Variants in TIE1 observed in about 807,000 individuals in gnomAD.
TIE1 encodes tyrosine-protein kinase receptor Tie-1.
Under a neutral mutation model 130.5 loss-of-function variants are expected in TIE1, and 89 were observed. The observed-to-expected ratio is 0.68, with a 90% CI of 0.57 to 0.81. The LOEUF (loss-of-function observed/expected upper bound fraction) is 0.81, where lower values mean the gene tolerates loss of function less well. Ranked by LOEUF, TIE1 falls within the 40% of genes least tolerant of loss-of-function variation. TIE1 has a pLI of 0.00. For missense variants in TIE1, 1,392 were observed against 1,559.8 expected (o/e 0.89, Z 1.81); for synonymous variants, 568 against 629.4 (o/e 0.90, Z 1.46).
Position 43,307,492 on chromosome 1 carries a change from G to C in TIE1, c.833G>C (p.Cys278Ser), listed in dbSNP as rs1208719686. 6.2e-7 allele frequency: 1 copy of C among 1,614,076 alleles called. No individual in the cohort carries two copies. Among genetic ancestry groups the C allele is most frequent in the Non-Finnish European group, 8.5e-7 (1 of 1,180,030 alleles). The change falls in exon 6 of 23, where the codon TGC becomes TCC. Residue 278 changes from cysteine (C) to serine (S), a missense_variant. By Grantham distance (112) the Cys-to-Ser change is moderately radical (BLOSUM62 -1). Coordinates refer to ENST00000372476, the MANE Select transcript of TIE1 (RefSeq NM_005424.5). This position sits in a 1 kb window ranked among gnomAD's most constrained non-coding sequence, Gnocchi z 5.4. Reference protein sequence around the residue: ...CQEQCPGISGCRGLTFCLPDP... With the variant: ...CQEQCPGISGSRGLTFCLPDP... The stretch of plus-strand genomic sequence containing the variant: ...GAGCAGTGCCCAGGCATATCAGGCT[G>C]CCGGGGCCTCACCTTCTGCCTCCCA...
chr1:43,320,658 C>G (rs1465887785), intron 19 of TIE1: 1 of 152,176 alleles, frequency 6.6e-6, no homozygotes, highest in African/African-American at 2.4e-5. Flanking sequence ...CGAGACCATC[C>G]TGGCTGACAC....
At position 43,319,756 on chromosome 1, in the gene TIE1, G is replaced by C. The variant is rs541913844; in HGVS notation, c.3107+227G>C. 1.1e-5 allele frequency: 6 copies of C among 570,394 alleles called. No homozygotes were observed. Among genetic ancestry groups the C allele is most frequent in the Non-Finnish European group, 1.9e-5 (6 of 317,444 alleles). 35.3% of individuals were successfully genotyped at this position (570,394 alleles called of 1,614,324 possible). On this transcript the variant is annotated intron_variant, in intron 19 of 22. Transcript: ENST00000372476. The surrounding 1 kb of genome is among the most constrained non-coding windows in gnomAD (Gnocchi z 4.7). ...ATAGGACTGGGGTAAAGGTAGTTTC[G>C]GATTATGTTTGTGTAAGTGACGGGG...
In TIE1 at chr1:43,305,042, G is replaced by A. The variant is rs372985999; in HGVS notation, c.250G>A (p.Gly84Ser). ...GCCACCCCTGCGCCTGGCGCGCAAC[G>A]GTTCGCACCAGGTCACGCTTCGCGG... The part of the protein sequence containing the change: ...PGPPLRLARN[G>S]SHQVTLRGFS... Residue 84 changes from glycine to serine, a missense_variant, in exon 2 of 23, where the codon GGT becomes AGT. Coordinates refer to ENST00000372476, the MANE Select transcript of TIE1 (RefSeq NM_005424.5). 5.0e-6 allele frequency: 8 copies of A among 1,598,232 alleles called. 1 individual carries two copies. In the South Asian group the frequency reaches 7.8e-5, roughly 16 times the overall value.
chr1:43,305,380 C>A (rs1646718906), intron 3 of TIE1, 37 bp downstream of exon 3: 2 of 1,483,216 alleles, frequency 1.3e-6, no homozygotes. Context: ...GGAGGGTAGA[C>A]CCATCGTTCT....
Position 43,317,650 on chromosome 1 carries a change from C to G in TIE1, c.2707C>G (p.Leu903Val). 1 of 1,598,224 alleles carries G rather than the reference C, an allele frequency of 6.3e-7. No homozygotes were observed. The highest frequency in any genetic ancestry group is 8.5e-7 in the Non-Finnish European group (1 of 1,171,370). ...GGGGCATCACCCCAACATCATCAAC[C>G]TCCTGGGGGCCTGTAAGAACCGAGG... Reference protein sequence around the residue: ...KLGHHPNIINLLGACKNRGYL... With the variant: ...KLGHHPNIINVLGACKNRGYL... The change falls in exon 16 of 23, where the codon CTC (leucine) becomes GTC (valine). Residue 903 changes from leucine (L) to valine (V), a missense_variant. Leu to Val is a conservative substitution (Grantham distance 32, BLOSUM62 1). Coordinates refer to ENST00000372476, the MANE Select transcript of TIE1 (RefSeq NM_005424.5). This position sits in a 1 kb window ranked among gnomAD's most constrained non-coding sequence, Gnocchi z 5.1.
intron 1 of TIE1, among the ~76,000 whole-genome samples, chr1:43,303,988 G>A (rs1023468242): frequency 1.9e-4 from 29 of 152,342 alleles, no homozygotes; most frequent in Admixed American, 1.2e-3. Flanking sequence ...TCTTTGGAAG[G>A]CAAACAAAGA....
intron 19 of TIE1, chr1:43,320,069 A>C: frequency 1.2e-5 from 2 of 168,332 alleles, no homozygotes; most frequent in Non-Finnish European, 2.6e-5. Flanking sequence ...CACACTGATC[A>C]CTCCTCTGAC....
chr1:43,322,610 C>T lies in TIE1; in HGVS notation c.3346-41C>T. 1 of 1,562,706 alleles carries T rather than the reference C, an allele frequency of 6.4e-7. No homozygotes were observed. Among genetic ancestry groups the T allele is most frequent in the Non-Finnish European group, 8.8e-7 (1 of 1,134,022 alleles). On this transcript the variant is annotated intron_variant, in intron 22 of 22. Transcript: ENST00000372476. The surrounding 1 kb of genome is among the most constrained non-coding windows in gnomAD (Gnocchi z 4.0). ...GTCCAGGAGCTTGAGGCCAGATGCA[C>T]CCCCATTCCTGGCCCCCACTAAAGC...
Position 43,309,561 on chromosome 1 carries a change from T to C in TIE1, c.1333+29T>C, listed in dbSNP as rs769714963. 10 of 1,551,014 alleles carry C rather than the reference T, an allele frequency of 6.4e-6. No individual in the cohort carries two copies. The highest frequency in any genetic ancestry group is 2.3e-5 in the East Asian group (1 of 44,358). ...AGTGATGTCCTAGGTCCACAGGGAA[T>C]GGACGGTGAGCAGAGTAGGCTCTAG... On this transcript the variant is annotated intron_variant, in intron 9 of 22. Coordinates refer to ENST00000372476, the MANE Select transcript of TIE1 (RefSeq NM_005424.5). This position sits in a 1 kb window ranked among gnomAD's most constrained non-coding sequence, Gnocchi z 6.3.
Position 43,322,588 on chromosome 1 carries a change from C to T in TIE1, c.3346-63C>T, listed in dbSNP as rs543424462. On this transcript the variant is annotated intron_variant, in intron 22 of 22. Coordinates refer to ENST00000372476, the MANE Select transcript of TIE1 (RefSeq NM_005424.5). This position sits in a 1 kb window ranked among gnomAD's most constrained non-coding sequence, Gnocchi z 4.0. ...CAAATGCCCCCACCACATGGAAGTCCAGGAGCTTGAGGCCAGATGCACCCC... is the reference window on the plus strand; with the variant it reads ...CAAATGCCCCCACCACATGGAAGTCTAGGAGCTTGAGGCCAGATGCACCCC... The T allele has an allele frequency of 4.3e-5, 58 of 1,357,650 alleles. No individual in the cohort carries two copies. Among genetic ancestry groups the T allele is most frequent in the Non-Finnish European group, 1.3e-5 (12 of 950,834 alleles). The allele number at this position is 1,357,650 out of a possible 1,614,324, so 84.1% of individuals were successfully genotyped here.
rs1304465920 is a variant in TIE1, at chr1:43,321,420, C to T, written c.3173C>T (p.Thr1058Ile). ...SLGGTPYCGM[T>I]CAELYEKLPQ... ...GGAGGTACACCCTACTGTGGCATGA[C>T]CTGTGCCGAGCTCTATGAAAAGCTG... The change falls in exon 21 of 23, where the codon ACC (threonine) becomes ATC (isoleucine). Residue 1058 changes from threonine (T) to isoleucine (I), a missense_variant. Coordinates refer to ENST00000372476, the MANE Select transcript of TIE1 (RefSeq NM_005424.5). 3 of 1,613,926 alleles carry T rather than the reference C, an allele frequency of 1.9e-6. No homozygotes were observed. The highest frequency in any genetic ancestry group is 2.5e-6 in the Non-Finnish European group (3 of 1,180,008).
chr1:43,320,560 A>C (rs1646903471), intron 19 of TIE1: 1 of 152,254 alleles, frequency 6.6e-6, no homozygotes, highest in Admixed American at 6.5e-5. Flanking sequence ...TCTACTAAAA[A>C]TACAAAACAT....
At chr1:43,321,204 G>C in intron 19 of TIE1, 65 bp from the exon 20 acceptor site, 1 of 1,573,692 alleles carries the variant, frequency 6.4e-7, no homozygotes, top group Non-Finnish European at 8.7e-7. Flanking sequence ...ATCTTGGGCA[G>C]GTAGAAGCTA....
rs778808330 is a variant in TIE1, at chr1:43,313,980, G to A, written c.2409+12G>A. On this transcript the variant is annotated intron_variant, in intron 14 of 22. Coordinates refer to ENST00000372476, the MANE Select transcript of TIE1 (RefSeq NM_005424.5). This position sits in a 1 kb window ranked among gnomAD's most constrained non-coding sequence, Gnocchi z 6.2. ...ACCAGTCAGGCTCGGTCAGTGACCC[G>A]CCCCGCCCCTGGGTGCATGCTTGCA... The A allele has an allele frequency of 3.0e-5, 49 of 1,613,772 alleles. 1 individual carries two copies. The South Asian group carries it at 3.5e-4, about 12-fold the overall frequency.
chr1:43,308,454 C>T (rs943207546), intron 7 of TIE1, among the ~76,000 whole-genome samples: 4 of 15,786 alleles, frequency 2.5e-4, no homozygotes, highest in Non-Finnish European at 4.0e-4. Flanking sequence ...GGGTAGGGGA[C>T]CCAGGGATTG....
At chr1:43,304,413 G>T (rs1359022018) in intron 1 of TIE1, among the ~76,000 whole-genome samples, 2 of 152,204 alleles carry the variant, frequency 1.3e-5, no homozygotes, top group Non-Finnish European at 2.9e-5. Context: ...GGGAGAAGTG[G>T]CTCACAGCAA....
Position 43,313,646 on chromosome 1 carries a change from C to A in TIE1, c.2219-132C>A. 1 of 1,125,156 alleles carries A rather than the reference C, an allele frequency of 8.9e-7. No homozygotes were observed. The highest frequency in any genetic ancestry group is 1.2e-6 in the Non-Finnish European group (1 of 807,906). 69.7% of individuals were successfully genotyped at this position (1,125,156 alleles called of 1,614,324 possible). A position where few individuals can be genotyped will look rare whatever the true frequency, so the allele number is the denominator to read the frequency against. On this transcript the variant is annotated intron_variant, in intron 13 of 22. Transcript: ENST00000372476. The surrounding 1 kb of genome is among the most constrained non-coding windows in gnomAD (Gnocchi z 6.2). ...CTCTGACACCCCTCATCCCTTCCTT[C>A]ATGTGGCCCAAGTGATTTCCTGACA...
At chr1:43,305,470 T>A in intron 3 of TIE1, 127 bp downstream of exon 3, 1 of 824,848 alleles carries the variant, frequency 1.2e-6, no homozygotes, top group Non-Finnish European at 1.9e-6. Context: ...CTCTCCTCTG[T>A]AGTGGACCAG....
In TIE1 at chr1:43,307,040, G is replaced by A; in HGVS notation, c.640+45G>A. 6.2e-7 allele frequency: 1 copy of A among 1,613,212 alleles called. No individual in the cohort carries two copies. Among genetic ancestry groups the A allele is most frequent in the Non-Finnish European group, 8.5e-7 (1 of 1,179,810 alleles). ...GGTTGTGGGTAGGGTGGGAGGCTGG[G>A]AGCCCTATGGGTACTTCCTGTGGGT... On this transcript the variant is annotated intron_variant, in intron 4 of 22. Coordinates refer to ENST00000372476, the MANE Select transcript of TIE1 (RefSeq NM_005424.5). The surrounding 1 kb of genome is among the most constrained non-coding windows in gnomAD (Gnocchi z 5.4).
Sources: gnomAD v4.1 joint callset for allele counts (sites outside exome capture counted in the v4.1 genomes callset) on GRCh38, gnomAD v4.1.1 for gene constraint, Gnocchi (gnomAD v3.1) non-coding constraint, MANE v1.5 for transcripts, NCBI Gene and HGNC (gene_info 2026-07-23, HGNC 2026-07-21) for gene names.